FAM107B: variants seen among roughly 807,000 people sequenced by gnomAD.
FAM107B encodes the protein family with sequence similarity 107 member B, also known as protein FAM107B.
FAM107B carries 21 observed loss-of-function variants against 31.5 expected under a neutral mutation model. The ratio of observed to expected loss-of-function variants is 0.67; its 90% CI spans 0.47 to 0.96. FAM107B has a LOEUF of 0.96. FAM107B is among the 40% of genes least tolerant of loss of function. FAM107B has a pLI of 0.00. For missense variants in FAM107B, 452 were observed against 377.1 expected (o/e 1.20, Z -1.64); for synonymous variants, 157 against 141.5 (o/e 1.11, Z -0.78).
intron 1 of FAM107B, among the ~76,000 whole-genome samples, chr10:14,740,590 C>A (rs145028955): frequency 6.6e-6 from 1 of 152,032 alleles, no homozygotes; most frequent in Non-Finnish European, 1.5e-5. Flanking sequence ...AACCCTAATG[C>A]GTATATGGGC....
intron 2 of FAM107B, among the ~76,000 whole-genome samples, chr10:14,634,685 G>A (rs550275614): frequency 2.5e-4 from 38 of 152,276 alleles, no homozygotes; most frequent in African/African-American, 8.7e-4. Context: ...TTTGGGAGGA[G>A]GATGGCGTTA....
intron 2 of FAM107B, among the ~76,000 whole-genome samples, chr10:14,665,834 A>G (rs146965515): frequency 6.6e-6 from 1 of 152,372 alleles, no homozygotes; most frequent in East Asian, 1.9e-4. Context: ...AACTTTGATT[A>G]TATAGATATC....
intron 2 of FAM107B, among the ~76,000 whole-genome samples, chr10:14,625,929 C>T (rs553819609): frequency 1.4e-5 from 2 of 145,308 alleles, no homozygotes; most frequent in Non-Finnish European, 3.0e-5. Flanking sequence ...AAGGAGAAGT[C>T]GTAATGGAAT....
intron 2 of FAM107B, among the ~76,000 whole-genome samples, chr10:14,580,211 T>A (rs1233259600): frequency 6.6e-6 from 1 of 151,650 alleles, no homozygotes; most frequent in Non-Finnish European, 1.5e-5. Flanking sequence ...TCCAAAAAAA[T>A]TAGCTGGGCA....
intron 2 of FAM107B, among the ~76,000 whole-genome samples, chr10:14,535,042 T>C (rs1056715213): frequency 2.0e-5 from 3 of 152,182 alleles, no homozygotes; most frequent in African/African-American, 7.2e-5. Context: ...AGAGTAAAGA[T>C]GGGGTAGAAA....
chr10:14,652,831 T>C (rs2131449754), intron 2 of FAM107B: 1 of 152,266 alleles, frequency 6.6e-6, no homozygotes. Flanking sequence ...TGGACTAGAA[T>C]TGGTAGGAAA....
At chr10:14,572,735 A>ATT (rs1395207316) in intron 2 of FAM107B, among the ~76,000 whole-genome samples, 1 of 114,312 alleles carries the variant, frequency 8.7e-6, no homozygotes, top group African/African-American at 3.2e-5. Flanking sequence ...AAAAAAAAAA[A>ATT]AATTTATATA....
chr10:14,730,808 T>G (rs1339958543), intron 1 of FAM107B, among the ~76,000 whole-genome samples: 1 of 152,226 alleles, frequency 6.6e-6, no homozygotes, highest in Non-Finnish European at 1.5e-5. Flanking sequence ...GAAAGTCCTA[T>G]GTCCTGGGTA....
intron 2 of FAM107B, among the ~76,000 whole-genome samples, chr10:14,589,545 C>T (rs150370901): frequency 6.6e-6 from 1 of 151,820 alleles, no homozygotes; most frequent in East Asian, 1.9e-4. Flanking sequence ...TCCTTTAACA[C>T]GAAATAATGA....
At chr10:14,623,312 A>G (rs1853065192) in intron 2 of FAM107B, among the ~76,000 whole-genome samples, 2 of 152,362 alleles carry the variant, frequency 1.3e-5, no homozygotes, top group East Asian at 3.9e-4. Context: ...ATCACCTGCA[A>G]AAGTCCAGCA....
intron 1 of FAM107B, among the ~76,000 whole-genome samples, chr10:14,727,446 A>G (rs1588735345): frequency 6.6e-6 from 1 of 152,214 alleles, no homozygotes; most frequent in Non-Finnish European, 1.5e-5. Context: ...CAGCAGCTGC[A>G]TGTCTGTGCC....
intron 1 of FAM107B, among the ~76,000 whole-genome samples, chr10:14,741,658 T>A (rs1856439726): frequency 6.6e-6 from 1 of 151,922 alleles, no homozygotes; most frequent in Non-Finnish European, 1.5e-5. Flanking sequence ...TTTTCTTATG[T>A]TACATGTGAC....
chr10:14,562,758 C>T (rs192946692), intron 2 of FAM107B, among the ~76,000 whole-genome samples: 27 of 152,330 alleles, frequency 1.8e-4, no homozygotes, highest in African/African-American at 6.3e-4. Context: ...CTTGAACTTC[C>T]AGCCATAAAA....
chr10:14,750,480 T>C (rs1346882317), intron 1 of FAM107B, among the ~76,000 whole-genome samples: 4 of 151,926 alleles, frequency 2.6e-5, no homozygotes, highest in African/African-American at 7.3e-5. Flanking sequence ...GGCGGGATGG[T>C]GCACACCTGT....
At chr10:14,604,521 C>G (rs1232352008) in intron 2 of FAM107B, 1 of 151,582 alleles carries the variant, frequency 6.6e-6, no homozygotes, top group Admixed American at 6.6e-5. Flanking sequence ...TTCCACGGCT[C>G]GCGCGCGTCG....
At chr10:14,652,214 C>A (rs1289656151) in intron 2 of FAM107B, among the ~76,000 whole-genome samples, 1 of 152,152 alleles carries the variant, frequency 6.6e-6, no homozygotes, top group African/African-American at 2.4e-5. Context: ...GCATGACTTT[C>A]TATGCACATG....
chr10:14,589,410 G>C (rs1186080071), intron 2 of FAM107B, among the ~76,000 whole-genome samples: 1 of 152,116 alleles, frequency 6.6e-6, no homozygotes, highest in African/African-American at 2.4e-5. Flanking sequence ...ATTTATTATA[G>C]CTAGTGATTT....
intron 1 of FAM107B, among the ~76,000 whole-genome samples, chr10:14,737,422 G>A (rs556872388): frequency 6.6e-6 from 1 of 152,206 alleles, no homozygotes; most frequent in East Asian, 1.9e-4. Flanking sequence ...GGACCAGCCT[G>A]GGCAACACAG....
intron 1 of FAM107B, among the ~76,000 whole-genome samples, chr10:14,722,467 C>A (rs1855933938): frequency 6.6e-6 from 1 of 152,190 alleles, no homozygotes; most frequent in African/African-American, 2.4e-5. Flanking sequence ...TTGTTCCCTG[C>A]ATCCTTGTCA....
Sources: allele counts gnomAD v4.1 joint callset (sites outside exome capture counted in the v4.1 genomes callset), GRCh38; gene constraint gnomAD v4.1.1; transcripts MANE v1.5; gene names NCBI Gene and HGNC (gene_info 2026-07-23, HGNC 2026-07-21).